NUDT3: variants seen among roughly 807,000 people sequenced by gnomAD.
NUDT3 encodes nudix hydrolase 3.
A neutral mutation model predicts 23.6 loss-of-function variants in NUDT3; 9 were observed. The observed-to-expected ratio is 0.38, with a 90% CI of 0.23 to 0.66. The LOEUF (loss-of-function observed/expected upper bound fraction) is 0.66, where lower values mean the gene tolerates loss of function less well. NUDT3 is among the 30% of genes least tolerant of loss of function. The probability of loss-of-function intolerance (pLI) is 0.52; values close to 1 mark genes in which losing one functional copy is unlikely to be tolerated. For missense variants in NUDT3, 172 were observed against 218.5 expected (o/e 0.79, Z 1.34); for synonymous variants, 86 against 82.6 (o/e 1.04, Z -0.22).
intron 2 of NUDT3, among the ~76,000 whole-genome samples, chr6:34,338,244 G>A (rs1764237864): frequency 6.6e-6 from 1 of 152,098 alleles, no homozygotes; most frequent in Admixed American, 6.5e-5. Context: ...CCCTTATGTG[G>A]GGATAACATA....
intron 2 of NUDT3, among the ~76,000 whole-genome samples, chr6:34,301,365 A>G (rs1216754583): frequency 6.6e-6 from 1 of 152,194 alleles, no homozygotes; most frequent in East Asian, 1.9e-4. Context: ...TCTTCCCATC[A>G]AGGGATAGAA....
chr6:34,316,517 T>C (rs976699267), intron 2 of NUDT3, among the ~76,000 whole-genome samples: 1 of 152,208 alleles, frequency 6.6e-6, no homozygotes, highest in Non-Finnish European at 1.5e-5. Context: ...ATGCTTGGAC[T>C]TGCTACTTCT....
At chr6:34,296,935 CTT>C (rs566118949) in intron 2 of NUDT3, among the ~76,000 whole-genome samples, 9 of 134,620 alleles carry the variant, frequency 6.7e-5, no homozygotes, top group East Asian at 4.2e-4. Context: ...GTGGTTAGAC[CTT>C]TTTTTTTTTT....
At chr6:34,351,001 C>T (rs1764458230) in intron 1 of NUDT3, among the ~76,000 whole-genome samples, 1 of 149,656 alleles carries the variant, frequency 6.7e-6, no homozygotes, top group Non-Finnish European at 1.5e-5. Flanking sequence ...TGGCTCACAT[C>T]TGTAATCTCA....
In NUDT3 at chr6:34,326,825, C is replaced by G. The variant is rs143188806; in HGVS notation, c.210+15037G>C. Among the ~76,000 whole-genome samples the G allele has an allele frequency of 3.5e-4, 53 of 152,002 alleles. No individual in the cohort carries two copies. In the East Asian group the frequency reaches 6.6e-3, roughly 19 times the overall value. On this transcript the variant is annotated intron_variant, in intron 2 of 4. Transcript: ENST00000607016. The stretch of plus-strand genomic sequence containing the variant: ...CATGTTGGTCAGGCTGGTTTCGAAC[C>G]CCTAACCTCAGGTGATCCACCCGCC...
At chr6:34,296,859 A>G (rs1763507917) in intron 2 of NUDT3, among the ~76,000 whole-genome samples, 1 of 152,140 alleles carries the variant, frequency 6.6e-6, no homozygotes, top group South Asian at 2.1e-4. Context: ...GCTACGGGTA[A>G]GTATCATGAC....
chr6:34,350,725 A>C (rs1764454568), intron 1 of NUDT3, among the ~76,000 whole-genome samples: 1 of 150,660 alleles, frequency 6.6e-6, no homozygotes, highest in South Asian at 2.1e-4. Flanking sequence ...AGAGGAACTA[A>C]AAAAAATGCT....
chr6:34,323,697 A>G (rs191209160), intron 2 of NUDT3, among the ~76,000 whole-genome samples: 43 of 152,374 alleles, frequency 2.8e-4, no homozygotes, highest in Non-Finnish European at 2.1e-4. Context: ...CACACTATCT[A>G]CAACTTTACA....
intron 2 of NUDT3, among the ~76,000 whole-genome samples, chr6:34,323,851 C>T (rs1041762038): frequency 1.3e-5 from 2 of 152,116 alleles, no homozygotes; most frequent in African/African-American, 4.8e-5. Context: ...ATTTTCATGA[C>T]TGAAAAGTTC....
At chr6:34,359,042 A>C (rs1311092967) in intron 1 of NUDT3, among the ~76,000 whole-genome samples, 1 of 152,194 alleles carries the variant, frequency 6.6e-6, no homozygotes, top group Non-Finnish European at 1.5e-5. Context: ...GAGTTATCAC[A>C]ATAAATCACA....
rs899175292 is a variant in NUDT3 at position 34,282,110 on chromosome 6, G to A, written c.*6643C>T. 2.0e-5 allele frequency: 3 copies of A among 152,110 alleles called. No individual in the cohort carries two copies. Among genetic ancestry groups the A allele is most frequent in the Non-Finnish European group, 4.4e-5 (3 of 68,036 alleles). 9.4% of individuals were successfully genotyped at this position (152,110 alleles called of 1,614,324 possible). ...ATAAGTCATATCTGTTATGCTGCAG[G>A]AACTGAGTAACCAAAGCTAGATATC... On this transcript the variant is annotated 3_prime_UTR_variant, in exon 5 of 5. Transcript: ENST00000607016.
At chr6:34,330,098 T>C (rs907354714) in intron 2 of NUDT3, among the ~76,000 whole-genome samples, 1 of 152,248 alleles carries the variant, frequency 6.6e-6, no homozygotes, top group African/African-American at 2.4e-5. Flanking sequence ...TGAATAGTGC[T>C]GCAATAAACA....
In NUDT3 at chr6:34,281,734, A is replaced by C. The variant is rs749211180; in HGVS notation, c.*7019T>G. On this transcript the variant is annotated 3_prime_UTR_variant, in exon 5 of 5. Coordinates refer to ENST00000607016, the MANE Select transcript of NUDT3 (RefSeq NM_006703.4). Reference sequence around the variant, plus strand: ...ATGTCCATTCACAGATGGAAATGAAAGAGTGAGATTCTCAGAGGCTAAACA... The same window carrying C: ...ATGTCCATTCACAGATGGAAATGAACGAGTGAGATTCTCAGAGGCTAAACA... The C allele has an allele frequency of 6.6e-6, 1 of 152,214 alleles. No homozygotes were observed. The highest frequency in any genetic ancestry group is 1.5e-5 in the Non-Finnish European group (1 of 68,038). The allele number at this position is 152,214 out of a possible 1,614,324, so 9.4% of individuals were successfully genotyped here.
At chr6:34,341,748 CT>C in intron 2 of NUDT3, 113 bp downstream of exon 2, 3 of 881,446 alleles carry the variant, frequency 3.4e-6, no homozygotes, top group South Asian at 2.2e-5. Context: ...ATTCATTGCC[CT>C]TTTTCTGTGA....
At chr6:34,334,883 T>C (rs1407569565) in intron 2 of NUDT3, among the ~76,000 whole-genome samples, 1 of 142,476 alleles carries the variant, frequency 7.0e-6, no homozygotes, top group Non-Finnish European at 1.5e-5. Context: ...CAGTGAACTA[T>C]GACCATATCA....
chr6:34,339,583 G>T (rs369455132), intron 2 of NUDT3, among the ~76,000 whole-genome samples: 2 of 152,332 alleles, frequency 1.3e-5, no homozygotes, highest in Non-Finnish European at 1.5e-5. Context: ...TACACTCTGA[G>T]TAGCAAGAGC....
intron 2 of NUDT3, among the ~76,000 whole-genome samples, chr6:34,339,183 C>T (rs1454782234): frequency 6.6e-6 from 1 of 152,186 alleles, no homozygotes; most frequent in African/African-American, 2.4e-5. Flanking sequence ...CAGAACACGC[C>T]CTCCTTGTGA....
intron 1 of NUDT3, among the ~76,000 whole-genome samples, chr6:34,352,286 C>G (rs1161700509): frequency 6.6e-6 from 1 of 152,138 alleles, no homozygotes; most frequent in Non-Finnish European, 1.5e-5. Flanking sequence ...CAACACCCCC[C>G]ACCCACTCCA....
chr6:34,304,648 TTC>T (rs1375927710), intron 2 of NUDT3, among the ~76,000 whole-genome samples: 2 of 151,862 alleles, frequency 1.3e-5, no homozygotes, highest in Admixed American at 6.6e-5. Flanking sequence ...TTTCAAATTT[TTC>T]TTTTTCCTTT....
Sources: gnomAD v4.1 joint callset for allele counts (sites outside exome capture counted in the v4.1 genomes callset) on GRCh38, gnomAD v4.1.1 for gene constraint, MANE v1.5 for transcripts, NCBI Gene and HGNC (gene_info 2026-07-23, HGNC 2026-07-21) for gene names.